The following LRBA variants were observed in gnomAD, a reference collection of about 807,000 sequenced individuals.
LRBA encodes LPS responsive beige-like anchor protein.
A neutral mutation model predicts 330.0 loss-of-function variants in LRBA; 176 were observed. The observed-to-expected ratio is 0.53, with a 90% CI of 0.47 to 0.60. LRBA has a LOEUF of 0.60. LRBA is among the 20% of genes least tolerant of loss of function. The probability of loss-of-function intolerance (pLI) is 0.00; values close to 1 mark genes in which losing one functional copy is unlikely to be tolerated. For synonymous variants in LRBA, 1,230 were observed against 1,193.0 expected, an observed-to-expected ratio of 1.03 and a Z score of -0.64; for missense variants, 3,259 against 3,444.8, an observed-to-expected ratio of 0.95 and a Z score of 1.35.
intron 38 of LRBA, among the ~76,000 whole-genome samples, chr4:150,595,021 A>T (rs1348234851): frequency 6.6e-6 from 1 of 151,952 alleles, no homozygotes; most frequent in Admixed American, 6.6e-5. Context: ...TAGCATTTTT[A>T]AAAAAGACTA....
intron 40 of LRBA, among the ~76,000 whole-genome samples, chr4:150,520,221 T>C (rs1762775788): frequency 6.6e-6 from 1 of 152,170 alleles, no homozygotes; most frequent in Non-Finnish European, 1.5e-5. Flanking sequence ...AGACATCTTT[T>C]GCAAATATAT....
At chr4:150,599,166 A>G in intron 37 of LRBA, 35 bp from the exon 38 acceptor site, 2 of 1,611,174 alleles carry the variant, frequency 1.2e-6, no homozygotes, top group Non-Finnish European at 1.7e-6. Flanking sequence ...TATGTTAGCA[A>G]TTATCAAACA....
At chr4:150,886,797 A>G (rs752866670) in intron 17 of LRBA, among the ~76,000 whole-genome samples, 1 of 152,224 alleles carries the variant, frequency 6.6e-6, no homozygotes, top group East Asian at 1.9e-4. Context: ...CACAATATTC[A>G]AGACACATTA....
chr4:150,879,527 C>G (rs756688295), intron 17 of LRBA, among the ~76,000 whole-genome samples: 2 of 152,044 alleles, frequency 1.3e-5, no homozygotes, highest in African/African-American at 4.8e-5. Flanking sequence ...AGCAATCAGG[C>G]AAGAAAAGGG....
chr4:151,007,324 A>G (rs533003878), intron 2 of LRBA, among the ~76,000 whole-genome samples: 1 of 152,022 alleles, frequency 6.6e-6, no homozygotes, highest in Admixed American at 6.5e-5. Flanking sequence ...ACACAGTGAA[A>G]CCCTGTCTCT....
At chr4:150,363,837 A>G (rs1739059330) in intron 47 of LRBA, among the ~76,000 whole-genome samples, 2 of 152,196 alleles carry the variant, frequency 1.3e-5, no homozygotes, top group Non-Finnish European at 1.5e-5. Context: ...ACCGCAATTC[A>G]ATGTCTATGC....
chr4:150,268,154 G>T (rs1438716593), intron 56 of LRBA, among the ~76,000 whole-genome samples: 2 of 151,486 alleles, frequency 1.3e-5, no homozygotes, highest in African/African-American at 4.9e-5. Context: ...GAGACTATTA[G>T]AAACAACTGT....
chr4:150,374,619 C>A (rs960752859), intron 47 of LRBA, among the ~76,000 whole-genome samples: 1 of 152,078 alleles, frequency 6.6e-6, no homozygotes, highest in African/African-American at 2.4e-5. Flanking sequence ...TTTTGATCAC[C>A]AACATGATGC....
intron 44 of LRBA, among the ~76,000 whole-genome samples, chr4:150,442,261 G>A (rs1751940797): frequency 6.6e-6 from 1 of 152,158 alleles, no homozygotes; most frequent in South Asian, 2.1e-4. Context: ...GTTTGGAGAT[G>A]AGAAGCAGAA....
chr4:150,640,793 TA>T (rs1157867275), intron 37 of LRBA, among the ~76,000 whole-genome samples: 3 of 151,984 alleles, frequency 2.0e-5, no homozygotes, highest in Admixed American at 1.3e-4. Flanking sequence ...GCTTTTCCTT[TA>T]AAAAAAATTA....
intron 44 of LRBA, among the ~76,000 whole-genome samples, chr4:150,461,982 C>T (rs1420402799): frequency 1.3e-5 from 2 of 151,616 alleles, no homozygotes; most frequent in African/African-American, 2.4e-5. Context: ...ACAAAGGAAG[C>T]CCTGGTACTG....
At position 150,754,478 on chromosome 4, in the gene LRBA, T is replaced by C. The variant is rs528245793; in HGVS notation, c.5645+7305A>G. ...GAGATAAAGACATGAGCCCAGGAGC[T>C]AAGCGGTTGCAGCCTGGGTGACAGA... On this transcript the variant is annotated intron_variant, in intron 35 of 56. Coordinates refer to ENST00000651943, the MANE Select transcript of LRBA (RefSeq NM_001364905.1). Among the ~76,000 whole-genome samples the C allele has an allele frequency of 1.1e-4, 14 of 122,702 alleles. No individual in the cohort carries two copies. In the South Asian group the frequency reaches 3.4e-3, roughly 30 times the overall value. The allele number at this position is 122,702 out of a possible 152,430, so 80.5% of individuals were successfully genotyped here.
At chr4:150,302,224 AT>A (rs1470588578) in intron 53 of LRBA, among the ~76,000 whole-genome samples, 1 of 152,014 alleles carries the variant, frequency 6.6e-6, no homozygotes, top group African/African-American at 2.4e-5. Context: ...TGAAAGCATA[AT>A]TTTATCAAGA....
At chr4:150,945,831 G>A (rs1291484442) in intron 2 of LRBA, among the ~76,000 whole-genome samples, 19 of 150,604 alleles carry the variant, frequency 1.3e-4, no homozygotes, top group Admixed American at 1.2e-3. Flanking sequence ...ATGGAGTCTC[G>A]CTTTGTTGCC....
intron 44 of LRBA, among the ~76,000 whole-genome samples, chr4:150,441,352 A>G (rs1425750425): frequency 1.3e-5 from 2 of 152,074 alleles, no homozygotes; most frequent in Admixed American, 6.6e-5. Flanking sequence ...AACATAATCA[A>G]AACAAAATTA....
In LRBA at chr4:150,359,574, G is replaced by T. The variant is rs560870688; in HGVS notation, c.7195-9415C>A. Among the ~76,000 whole-genome samples, 70 of 152,280 alleles carry T rather than the reference G, an allele frequency of 4.6e-4. 1 individual carries two copies. Among genetic ancestry groups the T allele is most frequent in the African/African-American group, 1.6e-3 (68 of 41,568 alleles). The stretch of plus-strand genomic sequence containing the variant: ...GTTTACATGGTAGAAGATTAGTTGA[G>T]TTTTGAACTTAGTATTAATATTTTG... On this transcript the variant is annotated intron_variant, in intron 47 of 56. Transcript: ENST00000651943.
At chr4:150,735,154 A>G (rs753297473) in intron 36 of LRBA, 104 bp downstream of exon 36, 5 of 811,682 alleles carry the variant, frequency 6.2e-6, no homozygotes, top group Admixed American at 1.9e-5. Context: ...TTTTTTGATG[A>G]CATATACTAT....
At position 150,828,169 on chromosome 4, in the gene LRBA, A is replaced by G. The variant is rs777549522; in HGVS notation, c.5171+11T>C. The G allele has an allele frequency of 2.9e-5, 47 of 1,610,650 alleles. No individual in the cohort carries two copies. Among genetic ancestry groups the G allele is most frequent in the Middle Eastern group, 3.3e-4 (2 of 6,034 alleles). On this transcript the variant is annotated intron_variant, in intron 30 of 56. Transcript: ENST00000651943. ...TAGAAACATACCAAAACGAAAAACT[A>G]TTATCAGTACCTGTCAAAAGATCTG...
chr4:150,418,776 G>A (rs1011538876), intron 46 of LRBA, among the ~76,000 whole-genome samples: 3 of 152,168 alleles, frequency 2.0e-5, no homozygotes, highest in African/African-American at 7.2e-5. Flanking sequence ...GCAGGGTCCA[G>A]AGCAGAGGCC....
Sources: gnomAD v4.1 joint callset for allele counts (sites outside exome capture counted in the v4.1 genomes callset) on GRCh38, gnomAD v4.1.1 for gene constraint, MANE v1.5 for transcripts, NCBI Gene and HGNC (gene_info 2026-07-23, HGNC 2026-07-21) for gene names.